MAP3K15: variants seen among roughly 807,000 people sequenced by gnomAD.
The protein encoded by MAP3K15 is mitogen-activated protein kinase kinase kinase 15, also known as MAPK/ERK kinase kinase 15.
In MAP3K15, 124 loss-of-function variants were observed where a neutral mutation model predicts 99.5. The ratio of observed to expected loss-of-function variants is 1.25; its 90% confidence interval spans 1.08 to 1.45. MAP3K15 has a LOEUF of 1.45. Ranked by LOEUF, MAP3K15 falls within the 40% of genes most tolerant of loss-of-function variation. MAP3K15 has a pLI of 0.00. For synonymous variants in MAP3K15, 494 were observed against 439.6 expected, an observed-to-expected ratio of 1.12 and a Z score of -1.55; for missense variants, 1,242 against 1,079.7, an observed-to-expected ratio of 1.15 and a Z score of -2.11.
In MAP3K15 at chrX:19,488,910, A is replaced by G. The variant is rs771785080; in HGVS notation, c.419T>C (p.Leu140Pro). ...CATGTCAAAGCTTTCTCGGACTCCA[A>G]GATGGTAGAAGAGGGAAGGCTGTCT... is the stretch of plus-strand genomic sequence containing the variant. ...VSRQPSLFYH[L>P]GVRESFDMAN... The change falls in exon 2 of 29, where the codon CTT (leucine) becomes CCT (proline). Residue 140 changes from leucine to proline, a missense_variant. Physicochemically the swap from Leu to Pro is moderately conservative, Grantham distance 98. Transcript: ENST00000338883. 30 of 1,196,918 alleles carry G rather than the reference A, an allele frequency of 2.5e-5. No homozygotes were observed. The highest frequency in any genetic ancestry group is 4.4e-5 in the Admixed American group (2 of 45,574).
chrX:19,465,996 C>A (rs2064166370), intron 3 of MAP3K15, among the ~76,000 whole-genome samples: 1 of 109,901 alleles, frequency 9.1e-6, no homozygotes, highest in South Asian at 4.0e-4. Context: ...CTCTGTCACC[C>A]AGGCTGCAGT....
intron 6 of MAP3K15, among the ~76,000 whole-genome samples, chrX:19,453,029 G>C (rs1203062999): frequency 3.6e-5 from 4 of 111,145 alleles, no homozygotes; most frequent in Admixed American, 1.9e-4. Flanking sequence ...GGTTGCTAGG[G>C]ACTGGGGAAG....
chrX:19,494,196 T>C (rs2064385993), intron 1 of MAP3K15, among the ~76,000 whole-genome samples: 1 of 111,229 alleles, frequency 9.0e-6, no homozygotes, highest in Non-Finnish European at 1.9e-5. Flanking sequence ...CATGGTGGCG[T>C]GTGCCTGAAG....
chrX:19,361,836 A>C (rs185592138), intron 26 of MAP3K15: 236 of 292,598 alleles, frequency 8.1e-4, no homozygotes, highest in Non-Finnish European at 1.2e-3. Context: ...TAGGTCTACC[A>C]CTTTAAATGC....
intron 7 of MAP3K15, among the ~76,000 whole-genome samples, chrX:19,430,036 G>A (rs774795181): frequency 9.8e-5 from 11 of 111,759 alleles, no homozygotes; most frequent in African/African-American, 3.6e-4. Flanking sequence ...CCTTGTCCCT[G>A]TGATAGACTG....
At chrX:19,417,171 T>TCA (rs1255566404) in intron 9 of MAP3K15, among the ~76,000 whole-genome samples, 1 of 111,935 alleles carries the variant, frequency 8.9e-6, no homozygotes, top group Non-Finnish European at 1.9e-5. Flanking sequence ...CAGGTACATC[T>TCA]CACTGGGGAG....
At chrX:19,504,441 T>C (rs766690986) in intron 1 of MAP3K15, among the ~76,000 whole-genome samples, 1 of 111,208 alleles carries the variant, frequency 9.0e-6, no homozygotes, top group South Asian at 3.9e-4. Context: ...GAAGAACATA[T>C]GGATGTTTGG....
At chrX:19,375,722 G>A (rs1015980669) in intron 19 of MAP3K15, among the ~76,000 whole-genome samples, 2 of 112,269 alleles carry the variant, frequency 1.8e-5, no homozygotes, top group Admixed American at 9.4e-5. Flanking sequence ...CACAATCCCC[G>A]CCGAGTGAGC....
intron 3 of MAP3K15, among the ~76,000 whole-genome samples, chrX:19,470,200 A>C (rs1324186514): frequency 6.3e-5 from 7 of 111,747 alleles, no homozygotes; most frequent in African/African-American, 2.3e-4. Context: ...GCACATATAC[A>C]CCATGGAATA....
chrX:19,448,604 A>G (rs1321129251), intron 6 of MAP3K15, among the ~76,000 whole-genome samples: 1 of 109,634 alleles, frequency 9.1e-6, no homozygotes, highest in Admixed American at 9.6e-5. Context: ...AACATAAGGA[A>G]CTGTGTTCTT....
chrX:19,466,904 C>T (rs772578841), intron 3 of MAP3K15, among the ~76,000 whole-genome samples: 22 of 112,041 alleles, frequency 2.0e-4, no homozygotes, highest in South Asian at 1.5e-3. Flanking sequence ...CTTGTCCAAC[C>T]GGGGCCCATG....
At chrX:19,427,643 G>A (rs2063842765) in intron 7 of MAP3K15, among the ~76,000 whole-genome samples, 1 of 111,018 alleles carries the variant, frequency 9.0e-6, no homozygotes, top group South Asian at 3.8e-4. Flanking sequence ...TTCTATGAAC[G>A]AGTATGAAAA....
At chrX:19,436,610 T>C (rs1012340980) in intron 6 of MAP3K15, among the ~76,000 whole-genome samples, 2 of 111,497 alleles carry the variant, frequency 1.8e-5, no homozygotes, top group African/African-American at 6.5e-5. Flanking sequence ...CAGACTCACA[T>C]ATCCAACTGC....
intron 1 of MAP3K15, among the ~76,000 whole-genome samples, chrX:19,507,469 C>T (rs886784624): frequency 9.8e-6 from 1 of 102,135 alleles, no homozygotes; most frequent in Non-Finnish European, 2.0e-5. Flanking sequence ...CCCAGCGACT[C>T]GGGAGGCTGA....
At chrX:19,447,000 T>C (rs1338223015) in intron 6 of MAP3K15, among the ~76,000 whole-genome samples, 1 of 111,423 alleles carries the variant, frequency 9.0e-6, no homozygotes, top group East Asian at 2.8e-4. Flanking sequence ...ACTGCAGCCT[T>C]GACCTCCTGG....
At chrX:19,445,943 A>G (rs1350832548) in intron 6 of MAP3K15, among the ~76,000 whole-genome samples, 2 of 91,026 alleles carry the variant, frequency 2.2e-5, no homozygotes. Flanking sequence ...GCGAAACTCC[A>G]TCTCAAAAAT....
chrX:19,470,487 C>CA (rs2064200775), intron 3 of MAP3K15, among the ~76,000 whole-genome samples: 1 of 107,056 alleles, frequency 9.3e-6, no homozygotes, highest in Non-Finnish European at 1.9e-5. Context: ...ACCAACATGG[C>CA]AAATGTATAC....
intron 7 of MAP3K15, among the ~76,000 whole-genome samples, chrX:19,426,928 C>G (rs1213812902): frequency 9.4e-6 from 1 of 106,419 alleles, no homozygotes; most frequent in African/African-American, 3.5e-5. Context: ...GCCTCAGGGA[C>G]TATATAAAAT....
At chrX:19,456,225 G>A (rs997514620) in intron 6 of MAP3K15, among the ~76,000 whole-genome samples, 1 of 111,807 alleles carries the variant, frequency 8.9e-6, no homozygotes, top group African/African-American at 3.3e-5. Context: ...TCCCCAAACC[G>A]CAAACAACCT....
Sources: allele counts gnomAD v4.1 joint callset (sites outside exome capture counted in the v4.1 genomes callset), GRCh38; gene constraint gnomAD v4.1.1; transcripts MANE v1.5; gene names NCBI Gene and HGNC (gene_info 2026-07-23, HGNC 2026-07-21).